Variants in KIAA1958 observed in about 807,000 individuals in gnomAD.
KIAA1958 encodes KIAA1958.
In KIAA1958, 14 loss-of-function variants were observed where a neutral mutation model predicts 47.2. That is an observed-to-expected ratio of 0.30 (90% CI 0.20 to 0.46). The LOEUF is 0.46. KIAA1958 is among the 20% of genes least tolerant of loss of function. KIAA1958 has a pLI of 1.00. For synonymous variants in KIAA1958, 354 were observed against 353.3 expected, an observed-to-expected ratio of 1.00 and a Z score of -0.02; for missense variants, 803 against 909.2, an observed-to-expected ratio of 0.88 and a Z score of 1.50.
At chr9:112,583,473 A>C (rs779213668) in intron 2 of KIAA1958, among the ~76,000 whole-genome samples, 1 of 152,208 alleles carries the variant, frequency 6.6e-6, no homozygotes, top group African/African-American at 2.4e-5. Flanking sequence ...TCAATTTTTA[A>C]ATGCCTGTCT....
intron 2 of KIAA1958, among the ~76,000 whole-genome samples, chr9:112,610,186 A>G (rs1263359761): frequency 2.0e-5 from 3 of 152,146 alleles, no homozygotes; most frequent in Admixed American, 6.5e-5. Context: ...CATGATGACA[A>G]TAATAGCATT....
intron 2 of KIAA1958, among the ~76,000 whole-genome samples, chr9:112,620,596 C>T (rs929498569): frequency 6.6e-6 from 1 of 152,140 alleles, no homozygotes; most frequent in African/African-American, 2.4e-5. Flanking sequence ...GAGTTAACCT[C>T]ATGTTCATGA....
In KIAA1958 at chr9:112,663,979, CA is replaced by C. The variant is rs2131258939; in HGVS notation, c.*3911del. ...GCTGTACTTGAAAGATAACTGGACT[CA>C]GAGCTACTTCACTCCTCACTTGGGC... On this transcript the variant is annotated 3_prime_UTR_variant, in exon 4 of 4. Transcript: ENST00000337530. The C allele has an allele frequency of 6.6e-6, 1 of 152,384 alleles. No individual in the cohort carries two copies. The highest frequency in any genetic ancestry group is 6.5e-5 in the Admixed American group (1 of 15,304). 9.4% of individuals were successfully genotyped at this position (152,384 alleles called of 1,614,324 possible). A position where few individuals can be genotyped will look rare whatever the true frequency, so the allele number is the denominator to read the frequency against.
chr9:112,554,423 G>C (rs1451807584), intron 1 of KIAA1958, among the ~76,000 whole-genome samples: 1 of 151,964 alleles, frequency 6.6e-6, no homozygotes, highest in Non-Finnish European at 1.5e-5. Flanking sequence ...GCTTGAACCC[G>C]GGAGGCAGAG....
chr9:112,565,618 C>A (rs973302109), intron 1 of KIAA1958, among the ~76,000 whole-genome samples: 1 of 152,050 alleles, frequency 6.6e-6, no homozygotes, highest in African/African-American at 2.4e-5. Context: ...TAAAAAATAC[C>A]TTGATTGTCT....
At position 112,487,061 on chromosome 9, in the gene KIAA1958, C is replaced by T. The variant is rs1185078084; in HGVS notation, c.-82C>T. On this transcript the variant is annotated 5_prime_UTR_variant, in exon 1 of 4. Transcript: ENST00000337530. Reference sequence around the variant, plus strand: ...CCCGTCCAGCCCGGGCTGCCCGGCTCTCGCAGGCCCCCCCGCGCCGACCGC... The same window carrying T: ...CCCGTCCAGCCCGGGCTGCCCGGCTTTCGCAGGCCCCCCCGCGCCGACCGC... 6 of 224,726 alleles carry T rather than the reference C, an allele frequency of 2.7e-5. No individual in the cohort carries two copies. Among genetic ancestry groups the T allele is most frequent in the Non-Finnish European group, 5.4e-5 (6 of 110,762 alleles). 13.9% of individuals were successfully genotyped at this position (224,726 alleles called of 1,614,324 possible).
At chr9:112,560,114 G>A (rs908244059) in intron 1 of KIAA1958, among the ~76,000 whole-genome samples, 4 of 151,284 alleles carry the variant, frequency 2.6e-5, no homozygotes, top group African/African-American at 9.7e-5. Context: ...GCCTAGGCTG[G>A]TCTTGAACTC....
chr9:112,665,629 GTGTCACCCCTCCA>G lies in KIAA1958; in HGVS notation c.*5564_*5576del, dbSNP rs1441302808. 1 of 152,172 alleles carries G rather than the reference GTGTCACCCCTCCA, an allele frequency of 6.6e-6. No individual in the cohort carries two copies. Among genetic ancestry groups the G allele is most frequent in the Non-Finnish European group, 1.5e-5 (1 of 68,026 alleles). 9.4% of individuals were successfully genotyped at this position (152,172 alleles called of 1,614,324 possible). A position where few individuals can be genotyped will look rare whatever the true frequency, so the allele number is the denominator to read the frequency against. ...AATATTTCATCTCTCAAGCCATACTGTGTCACCCCTCCATGTATTCTCTTACTAAATGATTGCT... is the reference window on the plus strand; with the variant it reads ...AATATTTCATCTCTCAAGCCATACTGTGTATTCTCTTACTAAATGATTGCT... On this transcript the variant is annotated 3_prime_UTR_variant, in exon 4 of 4. Coordinates refer to ENST00000337530, the MANE Select transcript of KIAA1958 (RefSeq NM_133465.4).
chr9:112,563,085 C>CTCTCTCTCTA (rs10655286), intron 1 of KIAA1958, among the ~76,000 whole-genome samples: 2,476 of 131,492 alleles, frequency 0.019, 34 homozygotes, highest in African/African-American at 0.033. Flanking sequence ...CTCTCTCTCT[C>CTCTCTCTCTA]TATATATATA....
At chr9:112,625,756 G>A (rs1303762642) in intron 2 of KIAA1958, among the ~76,000 whole-genome samples, 1 of 152,120 alleles carries the variant, frequency 6.6e-6, no homozygotes, top group Non-Finnish European at 1.5e-5. Flanking sequence ...ATTGTGTTGT[G>A]TTACATCTTA....
At chr9:112,639,686 A>G (rs1196282031) in intron 2 of KIAA1958, among the ~76,000 whole-genome samples, 3 of 152,110 alleles carry the variant, frequency 2.0e-5, no homozygotes, top group African/African-American at 7.2e-5. Flanking sequence ...GATTGCCCCC[A>G]TAGTGTAAGA....
chr9:112,584,574 C>G (rs1564181509), intron 2 of KIAA1958, among the ~76,000 whole-genome samples: 1 of 152,166 alleles, frequency 6.6e-6, no homozygotes, highest in African/African-American at 2.4e-5. Context: ...CAAATTTTAA[C>G]ACTATGGGTT....
intron 2 of KIAA1958, among the ~76,000 whole-genome samples, chr9:112,626,765 A>C (rs1161552567): frequency 6.6e-6 from 1 of 152,058 alleles, no homozygotes; most frequent in Non-Finnish European, 1.5e-5. Context: ...TTAGATTGTT[A>C]CAACTTTTTA....
At chr9:112,528,476 C>T (rs4357371) in intron 1 of KIAA1958, among the ~76,000 whole-genome samples, 145,383 of 152,298 alleles carry the variant, frequency 0.95, 69,464 homozygotes, top group African/African-American at 0.99. Flanking sequence ...GTATATCAGC[C>T]AGGCTCTCAC....
In KIAA1958 at chr9:112,574,824, G is replaced by T. The variant is rs1452057628; in HGVS notation, c.744G>T (p.Gly248=). 1.2e-6 allele frequency: 2 copies of T among 1,614,092 alleles called. No individual in the cohort carries two copies. Among genetic ancestry groups the T allele is most frequent in the African/African-American group, 1.3e-5 (1 of 75,018 alleles). Reference sequence around the variant, plus strand: ...CTCACGCTGGTCCCTCCTGTGTAGGGTCTGCTAAACTGATTCCCCATGTCA... The same window carrying T: ...CTCACGCTGGTCCCTCCTGTGTAGGTTCTGCTAAACTGATTCCCCATGTCA... ...PQTHAGPSCV[G]SAKLIPHVTS... The change falls in exon 2 of 4, where the codon GGG becomes GGT. Residue 248 remains glycine, a synonymous_variant. Coordinates refer to ENST00000337530, the MANE Select transcript of KIAA1958 (RefSeq NM_133465.4).
At chr9:112,573,806 AATT>A (rs929538058) in intron 1 of KIAA1958, among the ~76,000 whole-genome samples, 159 of 152,278 alleles carry the variant, frequency 1.0e-3, no homozygotes, top group African/African-American at 3.7e-3. Context: ...CTTAGGCAGG[AATT>A]ATTATAACAA....
chr9:112,586,539 A>G (rs891569385), intron 2 of KIAA1958, among the ~76,000 whole-genome samples: 13 of 152,006 alleles, frequency 8.6e-5, no homozygotes, highest in Admixed American at 2.6e-4. Flanking sequence ...TATGATTTGT[A>G]TTAGTATTTC....
chr9:112,548,264 C>G (rs1181471866), intron 1 of KIAA1958, among the ~76,000 whole-genome samples: 1 of 152,142 alleles, frequency 6.6e-6, no homozygotes. Flanking sequence ...CAAAGTGTTA[C>G]AGGTGTTAGC....
At chr9:112,622,784 A>G (rs1417268576) in intron 2 of KIAA1958, among the ~76,000 whole-genome samples, 2 of 152,168 alleles carry the variant, frequency 1.3e-5, no homozygotes, top group Non-Finnish European at 2.9e-5. Flanking sequence ...ACTAAATCAT[A>G]TGGCTTAGCT....
Sources: gnomAD v4.1 joint callset for allele counts (sites outside exome capture counted in the v4.1 genomes callset) on GRCh38, gnomAD v4.1.1 for gene constraint, MANE v1.5 for transcripts, NCBI Gene and HGNC (gene_info 2026-07-23, HGNC 2026-07-21) for gene names.